Variants in SEL1L3 observed in about 807,000 individuals in gnomAD.
The protein encoded by SEL1L3 is SEL1L family member 3.
A neutral mutation model predicts 142.8 loss-of-function variants in SEL1L3; 76 were observed. The observed-to-expected ratio is 0.53, with a 90% CI of 0.44 to 0.64. The LOEUF is 0.64. SEL1L3 is among the 30% of genes least tolerant of loss of function. The probability of loss-of-function intolerance (pLI) is 0.00; values close to 1 mark genes in which losing one functional copy is unlikely to be tolerated. For missense variants in SEL1L3, 1,262 were observed against 1,381.7 expected (o/e 0.91, Z 1.37); for synonymous variants, 504 against 519.6 (o/e 0.97, Z 0.41).
Position 25,782,252 on chromosome 4 carries a change from C to T in SEL1L3, c.2447G>A (p.Gly816Glu). 1.2e-6 allele frequency: 2 copies of T among 1,613,460 alleles called. No individual in the cohort carries two copies. The highest frequency in any genetic ancestry group is 1.7e-6 in the Non-Finnish European group (2 of 1,179,626). ...TCAAGTCCTACTCACTTGATTCCTT[C>T]CAGGAACTCCAGGGAAGATGCCATC... ...HLDGIFPGVP[G>E]RNQTLAGEYF... The change falls in exon 15 of 24, where the codon GGA becomes GAA. Residue 816 changes from glycine to glutamate, a missense_variant. By Grantham distance (98) the Gly-to-Glu change is moderately conservative. Transcript: ENST00000399878.
intron 1 of SEL1L3, among the ~76,000 whole-genome samples, chr4:25,853,496 T>C (rs989257847): frequency 2.6e-5 from 4 of 152,122 alleles, no homozygotes; most frequent in Non-Finnish European, 4.4e-5. Context: ...ATTTGAGATG[T>C]CCTGTAAGTG....
chr4:25,798,135 C>T (rs1026480825), intron 11 of SEL1L3, among the ~76,000 whole-genome samples: 22 of 152,132 alleles, frequency 1.4e-4, no homozygotes, highest in African/African-American at 5.3e-4. Flanking sequence ...CGAAGAACGT[C>T]TCATACGGCA....
intron 1 of SEL1L3, among the ~76,000 whole-genome samples, chr4:25,851,765 T>A (rs532859895): frequency 1.3e-5 from 2 of 151,932 alleles, no homozygotes; most frequent in Non-Finnish European, 1.5e-5. Context: ...GGCACATGTC[T>A]GTAGTCCCAG....
intron 23 of SEL1L3, among the ~76,000 whole-genome samples, chr4:25,750,084 A>C (rs1355457594): frequency 1.3e-5 from 2 of 152,072 alleles, no homozygotes; most frequent in Non-Finnish European, 2.9e-5. Context: ...AAATACAAAA[A>C]TTAGCCGGGC....
intron 13 of SEL1L3, among the ~76,000 whole-genome samples, chr4:25,786,692 T>C (rs560413057): frequency 6.6e-6 from 1 of 152,326 alleles, no homozygotes; most frequent in Non-Finnish European, 1.5e-5. Flanking sequence ...TGCCCCTCCA[T>C]CTAGCCCAGA....
chr4:25,862,478 A>C (rs1412266564), intron 1 of SEL1L3, among the ~76,000 whole-genome samples, 197 bp downstream of exon 1: 2 of 152,100 alleles, frequency 1.3e-5, no homozygotes, highest in African/African-American at 4.8e-5. Context: ...GCAGCTTGGC[A>C]AGTCCGGTCC....
chr4:25,861,277 G>A (rs1333821811), intron 1 of SEL1L3, among the ~76,000 whole-genome samples: 1 of 151,566 alleles, frequency 6.6e-6, no homozygotes, highest in African/African-American at 2.4e-5. Flanking sequence ...ATATCTCTTG[G>A]GCAAAAAAAT....
intron 16 of SEL1L3, 116 bp from the exon 17 acceptor site, chr4:25,776,476 T>C: frequency 1.4e-6 from 1 of 710,022 alleles, no homozygotes; most frequent in Non-Finnish European, 2.4e-6. Flanking sequence ...TTAGAATTTT[T>C]ATAGAGCAAC....
chr4:25,741,975 A>AT, the SEL1L3 span, among the ~76,000 whole-genome samples: 7 of 151,328 alleles, frequency 4.6e-5, no homozygotes, highest in African/African-American at 1.7e-4. Context: ...TGCCCGGCTA[A>AT]TTTTTTTTGT....
intron 6 of SEL1L3, among the ~76,000 whole-genome samples, chr4:25,826,683 T>A (rs534538625): frequency 6.6e-6 from 1 of 152,064 alleles, no homozygotes; most frequent in African/African-American, 2.4e-5. Context: ...TTGTTTTTTG[T>A]TTTGTTTTGT....
At position 25,788,119 on chromosome 4, in the gene SEL1L3, A is replaced by G. The variant is rs909876249; in HGVS notation, c.2217+105T>C. 80 of 1,101,336 alleles carry G rather than the reference A, an allele frequency of 7.3e-5. No homozygotes were observed. Among genetic ancestry groups the G allele is most frequent in the Admixed American group, 2.4e-4 (12 of 49,804 alleles). The allele number at this position is 1,101,336 out of a possible 1,614,324, so 68.2% of individuals were successfully genotyped here. On this transcript the variant is annotated intron_variant, in intron 13 of 23. Coordinates refer to ENST00000399878, the MANE Select transcript of SEL1L3 (RefSeq NM_015187.5). The surrounding 1 kb of genome is among the most constrained non-coding windows in gnomAD (Gnocchi z 5.3). ...TCAAGAGTGACAGAAGCATATACTA[A>G]ATTTCTTCAGTTATCGACTCCCTGT...
downstream of SEL1L3, among the ~76,000 whole-genome samples, chr4:25,742,681 T>C (rs1198171193): frequency 6.8e-6 from 1 of 148,050 alleles, no homozygotes; most frequent in African/African-American, 2.6e-5. Context: ...AACTGTGTCA[T>C]TACTGTAAAT....
chr4:25,782,138 G>C (rs1430006900), intron 15 of SEL1L3, 104 bp downstream of exon 15: 1 of 988,048 alleles, frequency 1.0e-6, no homozygotes, highest in African/African-American at 1.6e-5. Context: ...TCGAGGACAG[G>C]GACTGTGTCT....
In SEL1L3 at chr4:25,759,041, C is replaced by T. The variant is rs951782769; in HGVS notation, c.2983G>A (p.Glu995Lys). The T allele has an allele frequency of 3.7e-6, 6 of 1,613,470 alleles. No homozygotes were observed. The highest frequency in any genetic ancestry group is 1.3e-5 in the African/African-American group (1 of 74,856). Reference sequence around the variant, plus strand: ...TGGTGTGGGATTATCGTACCTTCCTCGATTAGCAGGGCCAGGTTAAAAAAT... The same window carrying T: ...TGGTGTGGGATTATCGTACCTTCCTTGATTAGCAGGGCCAGGTTAAAAAAT... ...QGFFNLALLI[E>K]EGTIIPHHIL... Residue 995 changes from glutamate (E) to lysine (K), a missense_variant, in exon 21 of 24, where the codon GAG (glutamate) becomes AAG (lysine). Physicochemically the swap from Glu to Lys is moderately conservative, Grantham distance 56 (BLOSUM62 1). Transcript: ENST00000399878.
intron 5 of SEL1L3, among the ~76,000 whole-genome samples, chr4:25,831,704 T>G (rs541807720): frequency 1.3e-5 from 2 of 152,036 alleles, no homozygotes; most frequent in South Asian, 2.1e-4. Context: ...TTTGTATTTT[T>G]ACCAGAGACG....
chr4:25,816,707 C>A (rs1446765278), intron 9 of SEL1L3, among the ~76,000 whole-genome samples: 1 of 152,146 alleles, frequency 6.6e-6, no homozygotes, highest in Non-Finnish European at 1.5e-5. Flanking sequence ...AAAGGTAAAG[C>A]CCAAACTTCA....
the SEL1L3 span, among the ~76,000 whole-genome samples, chr4:25,721,846 G>C: frequency 1.3e-5 from 2 of 152,220 alleles, no homozygotes; most frequent in Non-Finnish European, 2.9e-5. Flanking sequence ...GCTTTCGCCA[G>C]TGGGATCTCA....
chr4:25,731,809 A>G, the SEL1L3 span, among the ~76,000 whole-genome samples: 1 of 152,184 alleles, frequency 6.6e-6, no homozygotes, highest in Non-Finnish European at 1.5e-5. Flanking sequence ...GCAGTGGCTC[A>G]TGCGTGTAAT....
intron 23 of SEL1L3, among the ~76,000 whole-genome samples, chr4:25,755,141 T>C (rs9993170): frequency 0.042 from 6,457 of 152,236 alleles, 459 homozygotes; most frequent in African/African-American, 0.15. Flanking sequence ...TGGAGTGCCA[T>C]GGTGTGATCA....
Sources: allele counts gnomAD v4.1 joint callset (sites outside exome capture counted in the v4.1 genomes callset), GRCh38; gene constraint gnomAD v4.1.1; non-coding constraint Gnocchi (gnomAD v3.1); transcripts MANE v1.5; gene names NCBI Gene and HGNC (gene_info 2026-07-23, HGNC 2026-07-21).